Variants in TFDP1 observed in about 807,000 individuals in gnomAD.
TFDP1 encodes the protein DRTF1-polypeptide 1.
In TFDP1, 6 loss-of-function variants were observed where a neutral mutation model predicts 48.0. The ratio of observed to expected loss-of-function variants is 0.13; its 90% CI spans 0.07 to 0.25. TFDP1 has a LOEUF of 0.25. Ranked by LOEUF, TFDP1 falls within the 10% of genes least tolerant of loss-of-function variation. The pLI is 1.00. For synonymous variants in TFDP1, 201 were observed against 211.6 expected (o/e 0.95, Z 0.44); for missense variants, 335 against 543.0 (o/e 0.62, Z 3.81).
At chr13:113,611,144 G>A in intron 3 of TFDP1, 82 bp downstream of exon 3, 1 of 1,361,242 alleles carries the variant, frequency 7.3e-7, no homozygotes, top group Non-Finnish European at 1.0e-6. Context: ...TGACGCTGAA[G>A]CCTCTTGCTA....
intron 2 of TFDP1, among the ~76,000 whole-genome samples, chr13:113,593,477 G>A (rs554576889): frequency 6.9e-6 from 1 of 145,048 alleles, no homozygotes; most frequent in African/African-American, 2.6e-5. Context: ...GGTGTGCGCG[G>A]GTCCTCAGCC....
rs1015850868 is a variant in TFDP1, at chr13:113,607,075, A to G, written c.13-3921A>G. ...GGTTCTTAGCTGAGGGTGGCTTTGC[A>G]GTGTCCGGAGATGATTCTGGTTGTC... On this transcript the variant is annotated intron_variant, in intron 2 of 11. Coordinates refer to ENST00000375370, the MANE Select transcript of TFDP1 (RefSeq NM_007111.5). This position sits in a 1 kb window ranked among gnomAD's most constrained non-coding sequence, Gnocchi z 5.2. 1.3e-5 allele frequency among the ~76,000 whole-genome samples: 2 copies of G among 152,254 alleles called. No individual in the cohort carries two copies. Among genetic ancestry groups the G allele is most frequent in the Non-Finnish European group, 2.9e-5 (2 of 68,044 alleles).
chr13:113,617,174 G>A (rs1223115678), intron 3 of TFDP1, among the ~76,000 whole-genome samples: 1 of 152,182 alleles, frequency 6.6e-6, no homozygotes, highest in Non-Finnish European at 1.5e-5. Context: ...TTTGTGCAAC[G>A]GAGGCCTCTG....
At chr13:113,591,134 G>C (rs2048134770) in intron 2 of TFDP1, among the ~76,000 whole-genome samples, 1 of 151,812 alleles carries the variant, frequency 6.6e-6, no homozygotes. Flanking sequence ...CTGAGGTCAG[G>C]AGTTCGAGAC....
intron 2 of TFDP1, among the ~76,000 whole-genome samples, chr13:113,605,999 G>A (rs2048558402): frequency 1.3e-5 from 2 of 149,786 alleles, no homozygotes; most frequent in African/African-American, 5.0e-5. Flanking sequence ...GGTGGTGAGT[G>A]TCCGCAGGGG....
At chr13:113,596,934 C>G (rs1251773872) in intron 2 of TFDP1, among the ~76,000 whole-genome samples, 1 of 152,202 alleles carries the variant, frequency 6.6e-6, no homozygotes, top group Non-Finnish European at 1.5e-5. Flanking sequence ...GTCCCCTCGC[C>G]CCAGCCTGTC....
chr13:113,636,119 C>T lies in TFDP1; in HGVS notation c.830C>T (p.Ser277Phe). The T allele has an allele frequency of 1.2e-6, 2 of 1,614,198 alleles. No homozygotes were observed. The highest frequency in any genetic ancestry group is 1.7e-6 in the Non-Finnish European group (2 of 1,180,016). The change falls in exon 9 of 12, where the codon TCC (serine) becomes TTC (phenylalanine). Residue 277 changes from serine to phenylalanine, a missense_variant. By Grantham distance (155) the Ser-to-Phe change is radical. Transcript: ENST00000375370. ...SKKTVIDCSISNDKFEYLFNF... is the reference protein window; with the variant it reads ...SKKTVIDCSIFNDKFEYLFNF... ...AAGACGGTCATCGACTGCAGCATCT[C>T]CAATGACAAGTAGGTTGTGGGCGGG...
chr13:113,587,822 G>C (rs2048043408), intron 2 of TFDP1, among the ~76,000 whole-genome samples: 1 of 152,138 alleles, frequency 6.6e-6, no homozygotes, highest in African/African-American at 2.4e-5. Context: ...GATGTTGGCA[G>C]CTTTTGCAGA....
At chr13:113,585,536 G>A (rs112996556) in intron 1 of TFDP1, 18 of 284,508 alleles carry the variant, frequency 6.3e-5, no homozygotes, top group African/African-American at 2.9e-4. Context: ...GGACCTGGGG[G>A]TAGTGGTGGT....
chr13:113,589,324 C>A (rs1326890879), intron 2 of TFDP1, among the ~76,000 whole-genome samples: 2 of 152,272 alleles, frequency 1.3e-5, no homozygotes, highest in African/African-American at 4.8e-5. Context: ...GAACCTGAGG[C>A]CTGGTCTTGC....
chr13:113,616,852 C>T (rs2048871855), intron 3 of TFDP1, among the ~76,000 whole-genome samples: 1 of 152,186 alleles, frequency 6.6e-6, no homozygotes. Context: ...AACTGCCAGC[C>T]TCCTACAAAA....
At chr13:113,605,514 A>G (rs537895491) in intron 2 of TFDP1, among the ~76,000 whole-genome samples, 12 of 152,300 alleles carry the variant, frequency 7.9e-5, no homozygotes, top group East Asian at 1.9e-4. Flanking sequence ...GAGTGGCTCA[A>G]TTGGGTGCTG....
chr13:113,630,671 C>G (rs4150768), intron 4 of TFDP1, among the ~76,000 whole-genome samples: 343 of 152,298 alleles, frequency 2.3e-3, no homozygotes, highest in Non-Finnish European at 3.5e-3. Context: ...ATAGTGTTTC[C>G]AGTTTAGATA....
intron 2 of TFDP1, among the ~76,000 whole-genome samples, chr13:113,592,950 G>A (rs765694425): frequency 5.3e-5 from 8 of 151,384 alleles, no homozygotes; most frequent in Non-Finnish European, 7.4e-5. Context: ...GGTGACAGGC[G>A]TGCTGTGTGC....
intron 2 of TFDP1, among the ~76,000 whole-genome samples, chr13:113,594,970 C>T (rs554044692): frequency 2.6e-4 from 39 of 152,272 alleles, no homozygotes; most frequent in African/African-American, 7.9e-4. Context: ...TCTATTTAGC[C>T]GTGTGTAATA....
chr13:113,618,926 A>AT (rs749308923), intron 3 of TFDP1, among the ~76,000 whole-genome samples: 1 of 152,326 alleles, frequency 6.6e-6, no homozygotes, highest in East Asian at 1.9e-4. Flanking sequence ...AAAAACAATC[A>AT]TTTATAGCCT....
At position 113,598,809 on chromosome 13, in the gene TFDP1, T is replaced by C. The variant is rs2048344406; in HGVS notation, c.13-12187T>C. On this transcript the variant is annotated intron_variant, in intron 2 of 11. Coordinates refer to ENST00000375370, the MANE Select transcript of TFDP1 (RefSeq NM_007111.5). This position sits in a 1 kb window ranked among gnomAD's most constrained non-coding sequence, Gnocchi z 4.2. ...TGTCCGCTCGGGGTAGCCAGCTTCC[T>C]CTGACTCTTTCTTAGGGTGATGTTG... Among the ~76,000 whole-genome samples, 1 of 152,250 alleles carries C rather than the reference T, an allele frequency of 6.6e-6. No individual in the cohort carries two copies. The highest frequency in any genetic ancestry group is 6.5e-5 in the Admixed American group (1 of 15,288).
chr13:113,613,554 CACTG>C (rs2048761679), intron 3 of TFDP1, among the ~76,000 whole-genome samples: 1 of 151,100 alleles, frequency 6.6e-6, no homozygotes, highest in Non-Finnish European at 1.5e-5. Flanking sequence ...ATGTGTGTGT[CACTG>C]AGTGTGCATA....
chr13:113,624,390 A>G (rs1330686723), intron 4 of TFDP1, among the ~76,000 whole-genome samples: 3 of 138,252 alleles, frequency 2.2e-5, no homozygotes, highest in African/African-American at 8.3e-5. Context: ...GGTGTCCCCA[A>G]GTATCTCTCA....
Sources: gnomAD v4.1 joint callset for allele counts (sites outside exome capture counted in the v4.1 genomes callset) on GRCh38, gnomAD v4.1.1 for gene constraint, Gnocchi (gnomAD v3.1) non-coding constraint, MANE v1.5 for transcripts, NCBI Gene and HGNC (gene_info 2026-07-23, HGNC 2026-07-21) for gene names.